CADM3: variants seen among roughly 807,000 people sequenced by gnomAD.
CADM3 encodes the protein cell adhesion molecule 3.
CADM3 carries 11 observed loss-of-function variants against 44.9 expected under a neutral mutation model. That is an observed-to-expected ratio of 0.25 (90% CI 0.15 to 0.41). The LOEUF is 0.41. Ranked by LOEUF, CADM3 falls within the 10% of genes least tolerant of loss-of-function variation. The probability of loss-of-function intolerance (pLI) is 1.00; values close to 1 mark genes in which losing one functional copy is unlikely to be tolerated. For missense variants in CADM3, 426 were observed against 512.0 expected, an observed-to-expected ratio of 0.83 and a Z score of 1.62; for synonymous variants, 207 against 205.2, an observed-to-expected ratio of 1.01 and a Z score of -0.08.
chr1:159,193,328 C>A, intron 3 of CADM3, 95 bp from the exon 4 acceptor site: 1 of 1,273,564 alleles, frequency 7.9e-7, no homozygotes, highest in Non-Finnish European at 1.1e-6. Flanking sequence ...ATAGTAGAAC[C>A]CAGGTACGCA....
At chr1:159,176,735 G>A (rs1299796492) in intron 1 of CADM3, among the ~76,000 whole-genome samples, 3 of 152,166 alleles carry the variant, frequency 2.0e-5, no homozygotes, top group Admixed American at 2.0e-4. Flanking sequence ...AGGCTTGAAC[G>A]CATGAATCTG....
At chr1:159,174,203 G>T (rs1648931005) in intron 1 of CADM3, among the ~76,000 whole-genome samples, 1 of 152,220 alleles carries the variant, frequency 6.6e-6, no homozygotes, top group African/African-American at 2.4e-5. Flanking sequence ...ACTGATGCAT[G>T]AGACATAACC....
intron 3 of CADM3, 27 bp downstream of exon 3, chr1:159,192,757 T>C: frequency 6.3e-7 from 1 of 1,598,048 alleles, no homozygotes; most frequent in East Asian, 2.2e-5. Flanking sequence ...CCAGTGTCTC[T>C]ACAGCATGCT....
intron 2 of CADM3, among the ~76,000 whole-genome samples, chr1:159,192,350 T>C (rs1017716806): frequency 2.6e-5 from 4 of 152,146 alleles, no homozygotes; most frequent in African/African-American, 9.7e-5. Flanking sequence ...TATCTGACAA[T>C]GAAGCTCACG....
intron 5 of CADM3, 108 bp from the exon 6 acceptor site, chr1:159,196,256 T>C (rs768730750): frequency 1.3e-6 from 1 of 789,070 alleles, no homozygotes; most frequent in Non-Finnish European, 2.1e-6. Flanking sequence ...GTTGCACTTC[T>C]TGAGCTGCGG....
chr1:159,173,724 TATG>T (rs1314133310), intron 1 of CADM3, among the ~76,000 whole-genome samples: 3 of 152,082 alleles, frequency 2.0e-5, no homozygotes, highest in Non-Finnish European at 2.9e-5. Context: ...GAGAGGCAAA[TATG>T]ATCCAAACTG....
chr1:159,187,834 C>T (rs1037465801), intron 1 of CADM3, among the ~76,000 whole-genome samples: 9 of 152,074 alleles, frequency 5.9e-5, no homozygotes, highest in Admixed American at 2.6e-4. Context: ...CCTCCATCCT[C>T]CATGTGCACA....
intron 1 of CADM3, among the ~76,000 whole-genome samples, chr1:159,180,506 T>A (rs34702074): frequency 0.018 from 2,796 of 152,320 alleles, 36 homozygotes; most frequent in Non-Finnish European, 0.03. Flanking sequence ...AGAATGTATC[T>A]ATTTCACAGA....
chr1:159,184,237 C>T (rs1649337310), intron 1 of CADM3, among the ~76,000 whole-genome samples: 1 of 152,184 alleles, frequency 6.6e-6, no homozygotes, highest in Admixed American at 6.5e-5. Flanking sequence ...ATGACATAAT[C>T]TGGACAAGGA....
In CADM3 at chr1:159,200,800, A is replaced by C. The variant is rs1000393404; in HGVS notation, c.1079-4A>C. 1 of 1,596,672 alleles carries C rather than the reference A, an allele frequency of 6.3e-7. No individual in the cohort carries two copies. The highest frequency in any genetic ancestry group is 1.3e-5 in the African/African-American group (1 of 74,148). Reference sequence around the variant, plus strand: ...TGAGAGGAGAAGCCTCTGTCTCTACACAGGAACCTACCTGACACATGAGGC... The same window carrying C: ...TGAGAGGAGAAGCCTCTGTCTCTACCCAGGAACCTACCTGACACATGAGGC... On this transcript the variant is annotated splice_polypyrimidine_tract_variant and splice_region_variant and intron_variant, in intron 8 of 8. Transcript: ENST00000368125.
intron 7 of CADM3, among the ~76,000 whole-genome samples, chr1:159,198,734 C>T (rs545962845): frequency 2.0e-5 from 3 of 152,060 alleles, no homozygotes; most frequent in South Asian, 2.1e-4. Context: ...TGGGCCCGTG[C>T]GAGTCCTCAG....
chr1:159,197,179 A>T, intron 7 of CADM3, 119 bp downstream of exon 7: 1 of 1,055,838 alleles, frequency 9.5e-7, no homozygotes, highest in Non-Finnish European at 1.4e-6. Context: ...GTAAAGGAAA[A>T]CCAGCCCACC....
At chr1:159,186,823 A>G (rs1477652386) in intron 1 of CADM3, among the ~76,000 whole-genome samples, 1 of 152,214 alleles carries the variant, frequency 6.6e-6, no homozygotes, top group Non-Finnish European at 1.5e-5. Flanking sequence ...GGGAAGAAAA[A>G]AAAAGCCACC....
chr1:159,182,387 G>T, intron 1 of CADM3, among the ~76,000 whole-genome samples: 1 of 152,174 alleles, frequency 6.6e-6, no homozygotes, highest in East Asian at 1.9e-4. Context: ...GGAAATATTT[G>T]ACACTTAGTG....
At chr1:159,196,865 C>A in intron 6 of CADM3, 26 bp from the exon 7 acceptor site, 1 of 1,610,092 alleles carries the variant, frequency 6.2e-7, no homozygotes. Flanking sequence ...CTCTCCTGAG[C>A]TCTTCTGATT....
chr1:159,174,516 T>G (rs760731602), intron 1 of CADM3, among the ~76,000 whole-genome samples: 1 of 152,224 alleles, frequency 6.6e-6, no homozygotes, highest in Non-Finnish European at 1.5e-5. Context: ...GTCAAGGGTG[T>G]TGTGGTAGCA....
chr1:159,191,849 T>G, intron 1 of CADM3, 87 bp from the exon 2 acceptor site: 1 of 1,529,720 alleles, frequency 6.5e-7, no homozygotes, highest in Non-Finnish European at 9.0e-7. Context: ...CCTTGGATGG[T>G]CTGAACTAGA....
chr1:159,188,162 A>C (rs1571014906), intron 1 of CADM3, among the ~76,000 whole-genome samples: 2 of 149,530 alleles, frequency 1.3e-5, no homozygotes, highest in South Asian at 2.1e-4. Flanking sequence ...AGGCCAGGGA[A>C]CCTCCGCAGC....
intron 1 of CADM3, among the ~76,000 whole-genome samples, chr1:159,173,581 A>C (rs1252035380): frequency 6.6e-6 from 1 of 152,124 alleles, no homozygotes; most frequent in Non-Finnish European, 1.5e-5. Flanking sequence ...AGCTGAAGGG[A>C]GTCCTTGGGG....
Sources: allele counts gnomAD v4.1 joint callset (sites outside exome capture counted in the v4.1 genomes callset), GRCh38; gene constraint gnomAD v4.1.1; transcripts MANE v1.5; gene names NCBI Gene and HGNC (gene_info 2026-07-23, HGNC 2026-07-21).